The following KCNJ1 variants were observed in gnomAD, a reference collection of about 807,000 sequenced individuals.
The protein encoded by KCNJ1 is ATP-sensitive inward rectifier potassium channel 1.
KCNJ1 carries 24 observed loss-of-function variants against 21.9 expected under a neutral mutation model. The observed-to-expected ratio is 1.10, with a 90% CI of 0.79 to 1.54. The LOEUF is 1.54. Ranked by LOEUF, KCNJ1 falls within the 40% of genes most tolerant of loss-of-function variation. The probability of loss-of-function intolerance (pLI) is 0.00; values close to 1 mark genes in which losing one functional copy is unlikely to be tolerated. For missense variants in KCNJ1, 457 were observed against 455.4 expected (o/e 1.00, Z -0.03); for synonymous variants, 152 against 160.9 (o/e 0.94, Z 0.42).
At chr11:128,855,562 A>G (rs1943573052) in intron 1 of KCNJ1, among the ~76,000 whole-genome samples, 1 of 152,200 alleles carries the variant, frequency 6.6e-6, no homozygotes, top group Non-Finnish European at 1.5e-5. Context: ...TGCCTTGAAA[A>G]TAGTGAGGGG....
At chr11:128,841,583 T>C (rs577426213) in intron 2 of KCNJ1, among the ~76,000 whole-genome samples, 1 of 152,184 alleles carries the variant, frequency 6.6e-6, no homozygotes, top group South Asian at 2.1e-4. Context: ...TTTCATTAAA[T>C]GCAAATATGT....
At chr11:128,861,010 G>A (rs1341463698) in intron 1 of KCNJ1, among the ~76,000 whole-genome samples, 1 of 152,236 alleles carries the variant, frequency 6.6e-6, no homozygotes, top group Non-Finnish European at 1.5e-5. Context: ...CTCAGAGGCA[G>A]CACTGGCATC....
intron 1 of KCNJ1, among the ~76,000 whole-genome samples, chr11:128,864,859 C>T (rs1380361957): frequency 3.9e-5 from 6 of 152,140 alleles, no homozygotes; most frequent in Non-Finnish European, 5.9e-5. Flanking sequence ...CCTGATTACC[C>T]GGCCGTGGTC....
chr11:128,849,151 G>T (rs1943439096), intron 2 of KCNJ1, among the ~76,000 whole-genome samples: 2 of 152,212 alleles, frequency 1.3e-5, no homozygotes, highest in African/African-American at 2.4e-5. Flanking sequence ...ACTCTAGGAG[G>T]CTGGGAACTG....
At chr11:128,856,372 G>A (rs546302427) in intron 1 of KCNJ1, among the ~76,000 whole-genome samples, 2 of 152,222 alleles carry the variant, frequency 1.3e-5, no homozygotes, top group African/African-American at 2.4e-5. Context: ...GATGCCTGGC[G>A]TGATCCTTTC....
intron 2 of KCNJ1, among the ~76,000 whole-genome samples, chr11:128,843,027 CTT>C (rs1943315429): frequency 1.3e-5 from 2 of 152,268 alleles, no homozygotes; most frequent in Admixed American, 1.3e-4. Flanking sequence ...TGTTGGAAGT[CTT>C]TATTATTCGG....
rs1373075019 is a variant in KCNJ1 at position 128,839,254 on chromosome 11, T to C, written c.990A>G (p.Glu330=). The C allele has an allele frequency of 1.2e-6, 2 of 1,614,170 alleles. No individual in the cohort carries two copies. The highest frequency in any genetic ancestry group is 1.7e-6 in the Non-Finnish European group (2 of 1,180,004). ...ACATGGCACAGTGAGGGGTCTCCACTTCCACTGTCTTGCTAAAGTTATGGA... is the reference window on the plus strand; with the variant it reads ...ACATGGCACAGTGAGGGGTCTCCACCTCCACTGTCTTGCTAAAGTTATGGA... ...VDFHNFSKTV[E]VETPHCAMCL... The change falls in exon 3 of 3, where the codon GAA becomes GAG. Residue 330 remains glutamate (E), a synonymous_variant. Transcript: ENST00000392666.
intron 1 of KCNJ1, 128 bp from the exon 2 acceptor site, chr11:128,851,018 A>T (rs1032025699): frequency 5.2e-5 from 17 of 327,010 alleles, no homozygotes; most frequent in Non-Finnish European, 6.6e-5. Flanking sequence ...AAAGGTAGAA[A>T]GGTCAGCTTG....
chr11:128,852,417 C>T (rs193280554), intron 1 of KCNJ1, among the ~76,000 whole-genome samples: 256 of 152,190 alleles, frequency 1.7e-3, no homozygotes, highest in African/African-American at 5.5e-3. Flanking sequence ...CTGTTGACTC[C>T]GTTGCTATGC....
chr11:128,858,218 A>C (rs981683287), intron 1 of KCNJ1, among the ~76,000 whole-genome samples: 22 of 151,832 alleles, frequency 1.4e-4, no homozygotes, highest in African/African-American at 5.1e-4. Context: ...GGCAAAGAAC[A>C]CTGGCAAGTA....
intron 2 of KCNJ1, among the ~76,000 whole-genome samples, chr11:128,848,304 A>AT (rs1349525252): frequency 1.3e-5 from 2 of 150,302 alleles, no homozygotes; most frequent in East Asian, 1.9e-4. Context: ...AAAAAAAAAA[A>AT]AAAAAAGTAC....
At chr11:128,857,478 T>C (rs1943610083) in intron 1 of KCNJ1, among the ~76,000 whole-genome samples, 2 of 152,214 alleles carry the variant, frequency 1.3e-5, no homozygotes, top group South Asian at 4.1e-4. Context: ...TCTAAAAATC[T>C]TTCTTGACCA....
chr11:128,865,082 G>A (rs1203514296), intron 1 of KCNJ1, among the ~76,000 whole-genome samples: 3 of 152,038 alleles, frequency 2.0e-5, no homozygotes, highest in Admixed American at 2.0e-4. Context: ...CCCTGTGTAA[G>A]TCATGCTCTC....
chr11:128,850,075 C>T (rs938649432), intron 2 of KCNJ1, among the ~76,000 whole-genome samples: 1 of 151,998 alleles, frequency 6.6e-6, no homozygotes, highest in African/African-American at 2.4e-5. Context: ...CGGAGGGCCC[C>T]CCCGCCTCCA....
At chr11:128,850,071 G>GCC (rs35478303) in intron 2 of KCNJ1, among the ~76,000 whole-genome samples, 6 of 151,730 alleles carry the variant, frequency 4.0e-5, no homozygotes, top group East Asian at 3.9e-4. Flanking sequence ...ACATCGGAGG[G>GCC]CCCCCCCGCC....
At chr11:128,844,295 C>G (rs182127203) in intron 2 of KCNJ1, among the ~76,000 whole-genome samples, 3 of 152,176 alleles carry the variant, frequency 2.0e-5, no homozygotes, top group Non-Finnish European at 4.4e-5. Flanking sequence ...AATAATGGAG[C>G]ATAGAAAGCC....
chr11:128,852,295 C>T lies in KCNJ1; in HGVS notation c.-191-1405G>A, dbSNP rs17137982. ...GGCAATCTTGTCCCTATCTGTGAGG[C>T]CTTTAATCCTGGGCTGCTCTTGCTA... On this transcript the variant is annotated intron_variant, in intron 1 of 2. Transcript: ENST00000392666. Among the ~76,000 whole-genome samples the T allele has an allele frequency of 5.9e-5, 9 of 152,206 alleles. No individual in the cohort carries two copies. In the East Asian group the frequency reaches 1.4e-3, roughly 23 times the overall value.
Position 128,839,556 on chromosome 11 carries a change from T to C in KCNJ1, c.688A>G (p.Ile230Val). The change falls in exon 3 of 3, where the codon ATC (isoleucine) becomes GTC (valine). Residue 230 changes from isoleucine (I) to valine (V), a missense_variant. Coordinates refer to ENST00000392666, the MANE Select transcript of KCNJ1 (RefSeq NM_153766.3). ...TTCCCAGCGTCAACTACAAAGTTGA[T>C]ATTGATCTGGTCCAAAATAATGGTC... ...GETIILDQIN[I>V]NFVVDAGNEN... The C allele has an allele frequency of 1.2e-6, 2 of 1,614,064 alleles. No homozygotes were observed. The highest frequency in any genetic ancestry group is 1.7e-6 in the Non-Finnish European group (2 of 1,179,926).
At chr11:128,844,172 A>C (rs1218321956) in intron 2 of KCNJ1, among the ~76,000 whole-genome samples, 1 of 152,188 alleles carries the variant, frequency 6.6e-6, no homozygotes. Context: ...TCTAATGGAG[A>C]TGTCTTGTGT....
Sources: gnomAD v4.1 joint callset for allele counts (sites outside exome capture counted in the v4.1 genomes callset) on GRCh38, gnomAD v4.1.1 for gene constraint, MANE v1.5 for transcripts, NCBI Gene and HGNC (gene_info 2026-07-23, HGNC 2026-07-21) for gene names.